ACO2: variants seen among roughly 807,000 people sequenced by gnomAD.
ACO2 encodes the protein aconitase 2, also known as aconitate hydratase, mitochondrial.
A neutral mutation model predicts 84.5 loss-of-function variants in ACO2; 31 were observed. That is an observed-to-expected ratio of 0.37 (90% CI 0.28 to 0.50). The LOEUF is 0.50. Ranked by LOEUF, ACO2 falls within the 20% of genes least tolerant of loss-of-function variation. ACO2 has a pLI of 0.97. For synonymous variants in ACO2, 414 were observed against 412.7 expected (o/e 1.00, Z -0.04); for missense variants, 685 against 1,029.3 (o/e 0.67, Z 4.58).
chr22:41,474,904 A>C (rs1202942130), intron 1 of ACO2, among the ~76,000 whole-genome samples: 1 of 151,878 alleles, frequency 6.6e-6, no homozygotes, highest in Non-Finnish European at 1.5e-5. Context: ...CGGCCTGCAC[A>C]GTACTTATAA....
intron 1 of ACO2, among the ~76,000 whole-genome samples, chr22:41,485,496 A>C (rs190301661): frequency 5.3e-5 from 7 of 131,218 alleles, no homozygotes. Flanking sequence ...TCTGGAGTGC[A>C]GTGGCACGAT....
At chr22:41,474,268 A>G (rs1427402358) in intron 1 of ACO2, among the ~76,000 whole-genome samples, 1 of 148,692 alleles carries the variant, frequency 6.7e-6, no homozygotes, top group African/African-American at 2.5e-5. Flanking sequence ...GATTGAATTC[A>G]GTGGTCGTGT....
At chr22:41,508,844 G>A (rs1569014326) in intron 3 of ACO2, among the ~76,000 whole-genome samples, 2 of 152,226 alleles carry the variant, frequency 1.3e-5, no homozygotes. Context: ...GGGGAGGGGC[G>A]TTGGCAGGAG....
At chr22:41,470,218 A>G (rs1238512555) in intron 1 of ACO2, among the ~76,000 whole-genome samples, 1 of 152,224 alleles carries the variant, frequency 6.6e-6, no homozygotes, top group African/African-American at 2.4e-5. Context: ...ATAAAAATCA[A>G]GCAAGCATCT....
chr22:41,526,959 G>GCAT, intron 15 of ACO2: 1 of 429,530 alleles, frequency 2.3e-6, no homozygotes, highest in South Asian at 2.8e-5. Flanking sequence ...CTTCACAGAT[G>GCAT]CATCTTGTGT....
Position 41,507,867 on chromosome 22 carries a change from C to T in ACO2, c.250C>T (p.Arg84Ter), listed in dbSNP as rs387907389. 6.2e-7 allele frequency: 1 copy of T among 1,614,190 alleles called. No homozygotes were observed. The highest frequency in any genetic ancestry group is 8.5e-7 in the Non-Finnish European group (1 of 1,180,032). Residue 84 changes from arginine to a stop codon, truncating the protein, a stop_gained, in exon 3 of 18, where the codon CGA becomes TGA. Transcript: ENST00000216254. LOFTEE classifies it high-confidence loss of function. The stretch of plus-strand genomic sequence containing the variant: ...TGACCCCGCCAGCCAGGAAATTGAG[C>T]GAGGCAAGTCGTACCTGCGGCTGCG... ...LDDPASQEIERGKSYLRLRPD... is the reference protein window; with the variant it reads ...LDDPASQEIE
At chr22:41,510,657 A>G (rs1279101716) in intron 3 of ACO2, among the ~76,000 whole-genome samples, 2 of 152,154 alleles carry the variant, frequency 1.3e-5, no homozygotes, top group Non-Finnish European at 2.9e-5. Context: ...AGTCCACTAG[A>G]ATCCCACCGT....
chr22:41,470,490 C>A (rs991944800), intron 1 of ACO2, among the ~76,000 whole-genome samples: 1 of 146,996 alleles, frequency 6.8e-6, no homozygotes, highest in African/African-American at 2.5e-5. Flanking sequence ...CAATTCCGGG[C>A]TAAGGGAAAG....
intron 16 of ACO2, 148 bp downstream of exon 16, chr22:41,527,568 A>T: frequency 2.7e-6 from 3 of 1,123,060 alleles, no homozygotes; most frequent in Non-Finnish European, 3.7e-6. Context: ...TCTTAGGCTC[A>T]CACAGTGCAC....
At chr22:41,506,169 C>T (rs1269972193) in intron 2 of ACO2, among the ~76,000 whole-genome samples, 1 of 151,886 alleles carries the variant, frequency 6.6e-6, no homozygotes, top group Non-Finnish European at 1.5e-5. Context: ...CTCACTGCAG[C>T]CTTGATCTCC....
intron 6 of ACO2, 149 bp from the exon 7 acceptor site, chr22:41,517,378 G>T: frequency 1.5e-6 from 1 of 665,878 alleles, no homozygotes. Context: ...GGGCCTCAAG[G>T]GATGAGTCGG....
At chr22:41,526,095 G>T in intron 14 of ACO2, 167 bp from the exon 15 acceptor site, 1 of 607,228 alleles carries the variant, frequency 1.6e-6, no homozygotes, top group Non-Finnish European at 2.9e-6. Context: ...TGTGGCCTTA[G>T]GGTGGAAGCA....
chr22:41,510,689 A>C (rs2146118883), intron 3 of ACO2, among the ~76,000 whole-genome samples: 1 of 152,288 alleles, frequency 6.6e-6, no homozygotes, highest in South Asian at 2.1e-4. Context: ...GGTCAGTCTC[A>C]CTGACCCCAC....
rs536005046 is a variant in ACO2 at position 41,515,642 on chromosome 22, G to A, written c.684+107G>A. 3.2e-6 allele frequency: 5 copies of A among 1,583,156 alleles called. No individual in the cohort carries two copies. The highest frequency in any genetic ancestry group is 3.4e-6 in the Non-Finnish European group (4 of 1,162,004). ...AGGGAAAAGGGAACAAGTTAGACTC[G>A]AATCTTCTGGGAGGGAGGTAGAGAC... is the stretch of plus-strand genomic sequence containing the variant. On this transcript the variant is annotated intron_variant, in intron 5 of 17. Coordinates refer to ENST00000216254, the MANE Select transcript of ACO2 (RefSeq NM_001098.3). The surrounding 1 kb of genome is among the most constrained non-coding windows in gnomAD (Gnocchi z 5.8).
Position 41,522,926 on chromosome 22 carries a change from C to T in ACO2, c.1235C>T (p.Ser412Phe). The change falls in exon 10 of 18, where the codon TCC becomes TTC. Residue 412 changes from serine to phenylalanine, a missense_variant. Physicochemically the swap from Ser to Phe is radical, Grantham distance 155. Around this residue, in one of 5 missense-constraint regions of ACO2, gnomAD observed 311 missense variants for 441.6 expected, o/e 0.70. Transcript: ENST00000216254. ...CTGGCCCATGGCCTCAAGTGCAAGT[C>T]CCAGTTCACCATCACTCCAGGTTCC... ...QALAHGLKCK[S>F]QFTITPGSEQ... The T allele has an allele frequency of 1.2e-6, 2 of 1,614,234 alleles. No homozygotes were observed. Among genetic ancestry groups the T allele is most frequent in the South Asian group, 2.2e-5 (2 of 91,090 alleles).
chr22:41,498,205 A>C (rs1444683320), intron 1 of ACO2, among the ~76,000 whole-genome samples: 2 of 152,098 alleles, frequency 1.3e-5, no homozygotes, highest in African/African-American at 4.8e-5. Flanking sequence ...CCAGCTACCG[A>C]GGAGGCTAAG....
At position 41,528,580 on chromosome 22, in the gene ACO2, T is replaced by C. The variant is rs768310628; in HGVS notation, c.2310T>C (p.Ser770=). The C allele has an allele frequency of 5.6e-6, 9 of 1,612,552 alleles. No homozygotes were observed. The highest frequency in any genetic ancestry group is 7.6e-6 in the Non-Finnish European group (9 of 1,180,016). The change falls in exon 18 of 18, where the codon AGT becomes AGC. Residue 770 remains serine, a synonymous_variant. Transcript: ENST00000216254. Reference sequence around the variant, plus strand: ...AGATTGAGTGGTTCCGCGCTGGCAGTGCCCTCAACAGAATGAAGGAACTGC... The same window carrying C: ...AGATTGAGTGGTTCCGCGCTGGCAGCGCCCTCAACAGAATGAAGGAACTGC... ...ETQIEWFRAG[S]ALNRMKELQQ
intron 8 of ACO2, among the ~76,000 whole-genome samples, chr22:41,518,861 G>A (rs536398856): frequency 3.3e-5 from 5 of 152,172 alleles, no homozygotes; most frequent in South Asian, 2.1e-4. Context: ...CAAGATAATC[G>A]CTTGAACCCG....
chr22:41,525,224 A>G lies in ACO2; in HGVS notation c.1637A>G (p.His546Arg). Reference sequence around the variant, plus strand: ...GACCCAGGGCAGGACACCTACCAGCACCCACCCAAGGACAGCAGCGGGCAG... The same window carrying G: ...GACCCAGGGCAGGACACCTACCAGCGCCCACCCAAGGACAGCAGCGGGCAG... ...EFDPGQDTYQ[H>R]PPKDSSGQHV... Residue 546 changes from histidine to arginine, a missense_variant, in exon 14 of 18, where the codon CAC becomes CGC. Physicochemically the swap from His to Arg is conservative, Grantham distance 29. Transcript: ENST00000216254. The G allele has an allele frequency of 6.2e-7, 1 of 1,614,016 alleles. No individual in the cohort carries two copies. The highest frequency in any genetic ancestry group is 8.5e-7 in the Non-Finnish European group (1 of 1,179,982).
Sources: allele counts gnomAD v4.1 joint callset (sites outside exome capture counted in the v4.1 genomes callset), GRCh38; gene constraint gnomAD v4.1.1; regional missense constraint gnomAD v4.1.1; non-coding constraint Gnocchi (gnomAD v3.1); transcripts MANE v1.5; gene names NCBI Gene and HGNC (gene_info 2026-07-23, HGNC 2026-07-21).